Variants in PLEK2 observed in about 807,000 individuals in gnomAD.
The protein encoded by PLEK2 is pleckstrin-2.
PLEK2 carries 29 observed loss-of-function variants against 43.8 expected under a neutral mutation model. The observed-to-expected ratio is 0.66, with a 90% CI of 0.49 to 0.90. The LOEUF (loss-of-function observed/expected upper bound fraction) is 0.90. Ranked by LOEUF, PLEK2 falls within the 40% of genes least tolerant of loss-of-function variation. The pLI, the probability that PLEK2 is intolerant of heterozygous loss-of-function variation, is 0.00. For missense variants in PLEK2, 398 were observed against 448.1 expected (o/e 0.89, Z 1.01); for synonymous variants, 162 against 173.2 (o/e 0.94, Z 0.51).
chr14:67,394,009 A>G lies in PLEK2; in HGVS notation c.390-768T>C, dbSNP rs1488120953. Among the ~76,000 whole-genome samples the G allele has an allele frequency of 2.0e-5, 3 of 152,108 alleles. No homozygotes were observed. In the East Asian group the frequency reaches 5.8e-4, roughly 29 times the overall value. ...AGTCCCTATTAAATGCCTCTTTGTG[A>G]GAAACTGGAATTGTCAGCCTCTTTC... On this transcript the variant is annotated intron_variant, in intron 3 of 8. Transcript: ENST00000216446.
chr14:67,397,666 C>G lies in PLEK2; in HGVS notation c.203G>C (p.Arg68Pro). The G allele has an allele frequency of 6.2e-7, 1 of 1,609,328 alleles. No homozygotes were observed. Among genetic ancestry groups the G allele is most frequent in the Admixed American group, 1.7e-5 (1 of 59,446 alleles). ...ACAGCAGGGGCCATCACTTACCGGT[C>G]GGTTTTCATACTCCAGGCAGGGGCA... ...ITCPCLEYEN[R>P]PLLIKLKTQT... Residue 68 changes from arginine (R) to proline (P), a missense_variant, in exon 2 of 9, where the codon CGA becomes CCA. By Grantham distance (103) the Arg-to-Pro change is moderately radical (BLOSUM62 -2). Coordinates refer to ENST00000216446, the MANE Select transcript of PLEK2 (RefSeq NM_016445.3).
intron 8 of PLEK2, among the ~76,000 whole-genome samples, 197 bp from the exon 9 acceptor site, chr14:67,387,653 A>G (rs957403034): frequency 7.2e-5 from 11 of 152,214 alleles, no homozygotes; most frequent in African/African-American, 2.7e-4. Context: ...CCAGTGCCCT[A>G]AGGCCTTCCA....
At chr14:67,396,626 C>G (rs1300721788) in intron 2 of PLEK2, among the ~76,000 whole-genome samples, 1 of 152,236 alleles carries the variant, frequency 6.6e-6, no homozygotes, top group African/African-American at 2.4e-5. Context: ...TCTCTTCTTA[C>G]TTTTACTCAA....
At chr14:67,393,476 CAG>C (rs1225290078) in intron 3 of PLEK2, among the ~76,000 whole-genome samples, 1 of 152,052 alleles carries the variant, frequency 6.6e-6, no homozygotes, top group Admixed American at 6.5e-5. Context: ...TTTTTTGAGA[CAG>C]AGTCTCGCTC....
chr14:67,390,664 T>G lies in PLEK2; in HGVS notation c.854A>C (p.Lys285Thr), dbSNP rs1407542033. 6.2e-7 allele frequency: 1 copy of G among 1,607,630 alleles called. No homozygotes were observed. Among genetic ancestry groups the G allele is most frequent in the Non-Finnish European group, 8.5e-7 (1 of 1,174,044 alleles). The change falls in exon 7 of 9, where the codon AAA (lysine) becomes ACA (threonine). Residue 285 changes from lysine (K) to threonine (T), a missense_variant and splice_region_variant. Coordinates refer to ENST00000216446, the MANE Select transcript of PLEK2 (RefSeq NM_016445.3). ...PAFLHYYDPS[K>T]EENRPVGGFS... Reference sequence around the variant, plus strand: ...CATGGAGCCAGCATGCGCACTCACTTTGGAAGGGTCATAGTAATGCAGGAA... The same window carrying G: ...CATGGAGCCAGCATGCGCACTCACTGTGGAAGGGTCATAGTAATGCAGGAA...
rs1358685460 is a variant in PLEK2, at chr14:67,397,674, A to G, written c.195T>C (p.Tyr65=). The G allele has an allele frequency of 2.5e-6, 4 of 1,611,472 alleles. No homozygotes were observed. The highest frequency in any genetic ancestry group is 1.1e-5 in the South Asian group (1 of 90,200). ...GGCCATCACTTACCGGTCGGTTTTC[A>G]TACTCCAGGCAGGGGCAGGTGATGG... ...GCTITCPCLE[Y]ENRPLLIKLK... The change falls in exon 2 of 9, where the codon TAT becomes TAC. Residue 65 remains tyrosine (Y), a synonymous_variant. Coordinates refer to ENST00000216446, the MANE Select transcript of PLEK2 (RefSeq NM_016445.3).
chr14:67,398,128 T>G (rs1254123185), intron 1 of PLEK2: 10 of 257,788 alleles, frequency 3.9e-5, no homozygotes, highest in East Asian at 2.1e-4. Flanking sequence ...GCTAACATAT[T>G]GTATTTCCTT....
intron 1 of PLEK2, among the ~76,000 whole-genome samples, chr14:67,408,344 TAAAATAAAATAAAAA>T (rs1244669141): frequency 1.2e-3 from 167 of 138,074 alleles, no homozygotes; most frequent in African/African-American, 4.2e-3. Context: ...TAAAATAAAA[TAAAATAAAATAAAAA>T]AAGAAAAAAC....
At chr14:67,397,170 C>T (rs1050274910) in intron 2 of PLEK2, among the ~76,000 whole-genome samples, 1 of 152,282 alleles carries the variant, frequency 6.6e-6, no homozygotes, top group East Asian at 1.9e-4. Context: ...AACTCCTCAC[C>T]GCAAGCAATC....
intron 3 of PLEK2, among the ~76,000 whole-genome samples, chr14:67,393,785 G>C (rs540947957): frequency 6.6e-6 from 1 of 152,020 alleles, no homozygotes; most frequent in Admixed American, 6.6e-5. Flanking sequence ...TGCATACCAC[G>C]GTGTTCCCAT....
chr14:67,409,870 T>C (rs1487667166), intron 1 of PLEK2, among the ~76,000 whole-genome samples: 1 of 151,574 alleles, frequency 6.6e-6, no homozygotes, highest in Non-Finnish European at 1.5e-5. Flanking sequence ...CATCTAAGAG[T>C]AGAGGGGATA....
intron 1 of PLEK2, 120 bp downstream of exon 1, chr14:67,411,897 TG>T: frequency 1.1e-6 from 1 of 899,042 alleles, no homozygotes; most frequent in South Asian, 1.7e-5. Flanking sequence ...GGTCCCACCA[TG>T]GGGGTTGGGG....
At chr14:67,389,237 A>T (rs1325116111) in intron 7 of PLEK2, among the ~76,000 whole-genome samples, 1 of 152,062 alleles carries the variant, frequency 6.6e-6, no homozygotes, top group Non-Finnish European at 1.5e-5. Context: ...AATACTGGAA[A>T]TATTTGTACT....
At chr14:67,407,426 C>T (rs1457517081) in intron 1 of PLEK2, among the ~76,000 whole-genome samples, 3 of 151,514 alleles carry the variant, frequency 2.0e-5, no homozygotes, top group African/African-American at 7.3e-5. Flanking sequence ...CAGCCCCTAA[C>T]CTTATTTTTT....
intron 1 of PLEK2, among the ~76,000 whole-genome samples, chr14:67,410,469 C>T (rs2086109420): frequency 6.6e-6 from 1 of 151,890 alleles, no homozygotes; most frequent in Admixed American, 6.6e-5. Flanking sequence ...GCCACCTCCA[C>T]ATGCTGCGAG....
intron 6 of PLEK2, among the ~76,000 whole-genome samples, chr14:67,391,923 C>A (rs372376198): frequency 1.3e-5 from 2 of 152,248 alleles, no homozygotes; most frequent in East Asian, 1.9e-4. Flanking sequence ...ATCAAGGAGG[C>A]GTGCAGAATC....
At chr14:67,389,787 T>C (rs2085953959) in intron 7 of PLEK2, among the ~76,000 whole-genome samples, 1 of 151,970 alleles carries the variant, frequency 6.6e-6, no homozygotes, top group East Asian at 1.9e-4. Flanking sequence ...TTTTTTTTTT[T>C]TTAAGTGTTT....
intron 1 of PLEK2, among the ~76,000 whole-genome samples, chr14:67,400,079 C>G (rs2086037570): frequency 6.6e-6 from 1 of 152,196 alleles, no homozygotes; most frequent in Non-Finnish European, 1.5e-5. Context: ...ATTCCACACT[C>G]AGCACGTACT....
chr14:67,405,224 C>CAAAAAAAAAAAAAAAAAA (rs770594121), intron 1 of PLEK2, among the ~76,000 whole-genome samples: 2 of 40,482 alleles, frequency 4.9e-5, no homozygotes, highest in Non-Finnish European at 1.1e-4. Context: ...GAGTCCATCT[C>CAAAAAAAAAAAAAAAAAA]AAAAAAAAAA....
Sources: gnomAD v4.1 joint callset for allele counts (sites outside exome capture counted in the v4.1 genomes callset) on GRCh38, gnomAD v4.1.1 for gene constraint, MANE v1.5 for transcripts, NCBI Gene and HGNC (gene_info 2026-07-23, HGNC 2026-07-21) for gene names.